NEDD4L: variants seen among roughly 807,000 people sequenced by gnomAD.
NEDD4L encodes E3 ubiquitin-protein ligase NEDD4-like.
A neutral mutation model predicts 148.9 loss-of-function variants in NEDD4L; 54 were observed. That is an observed-to-expected ratio of 0.36 (90% confidence interval 0.29 to 0.45). NEDD4L has a LOEUF of 0.45. Ranked by LOEUF, NEDD4L falls within the 20% of genes least tolerant of loss-of-function variation. The pLI is 1.00. For missense variants in NEDD4L, 856 were observed against 1,233.8 expected (o/e 0.69, Z 4.59); for synonymous variants, 433 against 440.7 (o/e 0.98, Z 0.22).
intron 17 of NEDD4L, 125 bp downstream of exon 17, chr18:58,349,739 T>C: frequency 1.4e-6 from 1 of 735,582 alleles, no homozygotes; most frequent in Non-Finnish European, 2.3e-6. Flanking sequence ...TGGTTTGTGT[T>C]TCTTAACAGA....
chr18:58,195,968 C>T (rs1008445210), intron 2 of NEDD4L, among the ~76,000 whole-genome samples: 6 of 152,300 alleles, frequency 3.9e-5, no homozygotes, highest in East Asian at 1.9e-4. Context: ...TAACCTGTAT[C>T]ATCTTGTTTC....
At chr18:58,208,561 A>G (rs544147599) in intron 2 of NEDD4L, among the ~76,000 whole-genome samples, 14 of 152,342 alleles carry the variant, frequency 9.2e-5, no homozygotes, top group African/African-American at 3.4e-4. Flanking sequence ...AATTCCCTGT[A>G]GGGAGGATTA....
At chr18:58,379,482 C>T (rs1490022565) in intron 24 of NEDD4L, among the ~76,000 whole-genome samples, 11 of 152,042 alleles carry the variant, frequency 7.2e-5, no homozygotes, top group South Asian at 2.1e-4. Context: ...CAAATTTGGG[C>T]GAAAGGAGAA....
At chr18:58,234,045 T>TTTTCTTTC (rs1156456436) in intron 2 of NEDD4L, among the ~76,000 whole-genome samples, 8,907 of 117,058 alleles carry the variant, frequency 0.076, 591 homozygotes, top group Middle Eastern at 0.11. Context: ...ATTTCTTTCC[T>TTTTCTTTC]TTTCTTTCTT....
intron 16 of NEDD4L, among the ~76,000 whole-genome samples, chr18:58,345,549 G>A (rs1012841338): frequency 3.3e-5 from 5 of 152,072 alleles, no homozygotes; most frequent in African/African-American, 9.7e-5. Flanking sequence ...TTCCCCCATC[G>A]GCCTGGGCAC....
chr18:58,218,111 T>C (rs890565954), intron 2 of NEDD4L, among the ~76,000 whole-genome samples: 3 of 152,244 alleles, frequency 2.0e-5, no homozygotes, highest in Non-Finnish European at 2.9e-5. Context: ...CTGTTTTGAA[T>C]GAAATCAGTC....
At chr18:58,118,684 C>A (rs868522802) in intron 1 of NEDD4L, among the ~76,000 whole-genome samples, 1 of 151,960 alleles carries the variant, frequency 6.6e-6, no homozygotes, top group African/African-American at 2.4e-5. Context: ...TGCACTGAAT[C>A]TTTGAAGATG....
chr18:58,320,197 G>GGCT, intron 6 of NEDD4L, among the ~76,000 whole-genome samples: 1 of 152,228 alleles, frequency 6.6e-6, no homozygotes, highest in East Asian at 1.9e-4. Flanking sequence ...ATGCCCACTG[G>GGCT]TGATCCTGTA....
At chr18:58,284,860 C>T (rs1465685143) in intron 5 of NEDD4L, among the ~76,000 whole-genome samples, 2 of 152,126 alleles carry the variant, frequency 1.3e-5, no homozygotes, top group South Asian at 2.1e-4. Flanking sequence ...ATGTGGAAAG[C>T]GTGTGGCTGG....
intron 1 of NEDD4L, among the ~76,000 whole-genome samples, chr18:58,084,845 C>T (rs1011088549): frequency 6.6e-6 from 1 of 152,024 alleles, no homozygotes; most frequent in African/African-American, 2.4e-5. Context: ...CAGGTGTGTG[C>T]CGCAATGCCC....
chr18:58,133,421 G>A (rs1384005613), intron 1 of NEDD4L, among the ~76,000 whole-genome samples: 2 of 152,138 alleles, frequency 1.3e-5, no homozygotes, highest in African/African-American at 4.8e-5. Context: ...GAGCTCAGAA[G>A]AACGTAGAGA....
intron 1 of NEDD4L, among the ~76,000 whole-genome samples, chr18:58,156,710 G>T (rs991495006): frequency 6.6e-6 from 1 of 152,094 alleles, no homozygotes; most frequent in Non-Finnish European, 1.5e-5. Flanking sequence ...TTTGACCTGG[G>T]TTAATGACCG....
chr18:58,347,204 GGCCCCCCCC>G (rs2043185593), intron 16 of NEDD4L, among the ~76,000 whole-genome samples: 2 of 22,586 alleles, frequency 8.9e-5, no homozygotes, highest in South Asian at 1.9e-3. Flanking sequence ...TTCACGCTAC[GGCCCCCCCC>G]GCCCCCCCCC....
At chr18:58,167,984 G>A (rs987492840) in intron 2 of NEDD4L, among the ~76,000 whole-genome samples, 2 of 151,986 alleles carry the variant, frequency 1.3e-5, no homozygotes, top group Non-Finnish European at 1.5e-5. Flanking sequence ...GGTTGAATTT[G>A]TAGTGGAATT....
intron 1 of NEDD4L, among the ~76,000 whole-genome samples, chr18:58,048,290 TAATC>T (rs1225855963): frequency 2.6e-5 from 4 of 152,226 alleles, no homozygotes; most frequent in Non-Finnish European, 5.9e-5. Flanking sequence ...ATCTACTTCT[TAATC>T]AACCATTAAG....
chr18:58,395,031 T>G (rs1325241644), intron 30 of NEDD4L, among the ~76,000 whole-genome samples: 1 of 152,214 alleles, frequency 6.6e-6, no homozygotes, highest in Non-Finnish European at 1.5e-5. Flanking sequence ...TTACCTAACC[T>G]TGCTGTGTCT....
intron 19 of NEDD4L, among the ~76,000 whole-genome samples, chr18:58,357,750 A>T (rs1041508508): frequency 2.0e-5 from 3 of 152,140 alleles, no homozygotes; most frequent in Admixed American, 1.3e-4. Context: ...CAGTGTTCTC[A>T]TGGTCCCCTC....
At chr18:58,318,338 T>C (rs571444863) in intron 6 of NEDD4L, among the ~76,000 whole-genome samples, 1 of 152,312 alleles carries the variant, frequency 6.6e-6, no homozygotes, top group African/African-American at 2.4e-5. Flanking sequence ...GGAGGATCGC[T>C]TGAGTCCAGG....
At chr18:58,223,965 G>C (rs2044060346) in intron 2 of NEDD4L, among the ~76,000 whole-genome samples, 1 of 152,126 alleles carries the variant, frequency 6.6e-6, no homozygotes, top group African/African-American at 2.4e-5. Flanking sequence ...GCACAGGTGG[G>C]CAGTGGGATG....
Sources: allele counts gnomAD v4.1 joint callset (sites outside exome capture counted in the v4.1 genomes callset), GRCh38; gene constraint gnomAD v4.1.1; transcripts MANE v1.5; gene names NCBI Gene and HGNC (gene_info 2026-07-23, HGNC 2026-07-21).